Variants in KMT5A observed in about 807,000 individuals in gnomAD.
The protein encoded by KMT5A is lysine methyltransferase 5A.
Under a neutral mutation model 40.6 loss-of-function variants are expected in KMT5A, and 6 were observed. The observed-to-expected ratio is 0.15, with a 90% CI of 0.08 to 0.29. The LOEUF (loss-of-function observed/expected upper bound fraction) is 0.29, where lower values mean the gene tolerates loss of function less well. Ranked by LOEUF, KMT5A falls within the 10% of genes least tolerant of loss-of-function variation. The pLI is 1.00. For synonymous variants in KMT5A, 153 were observed against 178.8 expected (o/e 0.86, Z 1.15); for missense variants, 308 against 459.1 (o/e 0.67, Z 3.01).
intron 5 of KMT5A, 81 bp downstream of exon 5, chr12:123,396,513 G>A: frequency 7.6e-7 from 1 of 1,308,668 alleles, no homozygotes; most frequent in Non-Finnish European, 1.1e-6. Flanking sequence ...GTATGTGTGT[G>A]TCCTCAGCCT....
At chr12:123,407,440 G>A in intron 7 of KMT5A, 53 bp from the exon 8 acceptor site, 2 of 1,561,786 alleles carry the variant, frequency 1.3e-6, no homozygotes, top group South Asian at 1.1e-5. Context: ...CTCTCTTCAG[G>A]TTGAAAAGCC....
chr12:123,400,325 G>A (rs968654898), intron 5 of KMT5A, among the ~76,000 whole-genome samples: 12 of 151,176 alleles, frequency 7.9e-5, no homozygotes, highest in Non-Finnish European at 7.4e-5. Context: ...GTGAGCCACC[G>A]TGCCCAGCCA....
chr12:123,395,344 C>A, intron 4 of KMT5A, 78 bp downstream of exon 4: 2 of 1,448,274 alleles, frequency 1.4e-6, no homozygotes, highest in South Asian at 1.2e-5. Flanking sequence ...GCTCAGGTGC[C>A]CATGGGGGTT....
Position 123,395,272 on chromosome 12 carries a change from T to C in KMT5A, c.509+6T>C, listed in dbSNP as rs1262216777. 1.9e-6 allele frequency: 3 copies of C among 1,611,760 alleles called. No homozygotes were observed. The Admixed American group carries it at 5.0e-5, about 27-fold the overall frequency. Reference sequence around the variant, plus strand: ...AAACAGGCCCCCCGAAAAAAGTAAGTGCCCCATTCAGTCCTCTTCCTAACG... The same window carrying C: ...AAACAGGCCCCCCGAAAAAAGTAAGCGCCCCATTCAGTCCTCTTCCTAACG... On this transcript the variant is annotated splice_donor_region_variant and intron_variant, in intron 4 of 7. Transcript: ENST00000402868.
At chr12:123,405,409 G>T (rs1196905267) in intron 7 of KMT5A, among the ~76,000 whole-genome samples, 1 of 151,388 alleles carries the variant, frequency 6.6e-6, no homozygotes, top group African/African-American at 2.4e-5. Flanking sequence ...GACCTCAGAC[G>T]ATCCACCCGC....
intron 3 of KMT5A, among the ~76,000 whole-genome samples, chr12:123,393,200 TTTTG>T (rs1877439624): frequency 6.6e-6 from 1 of 152,128 alleles, no homozygotes; most frequent in African/African-American, 2.4e-5. Flanking sequence ...TATTTTTCTG[TTTTG>T]TTTATCTAGA....
At chr12:123,400,740 T>A (rs903958022) in intron 5 of KMT5A, among the ~76,000 whole-genome samples, 1 of 152,172 alleles carries the variant, frequency 6.6e-6, no homozygotes, top group African/African-American at 2.4e-5. Flanking sequence ...CTCACTTAAG[T>A]TACTCTGGTG....
chr12:123,401,008 T>C (rs1878113173), intron 5 of KMT5A, among the ~76,000 whole-genome samples: 1 of 151,844 alleles, frequency 6.6e-6, no homozygotes, highest in South Asian at 2.1e-4. Flanking sequence ...TTGGCCAGGC[T>C]GGTCTCGAAC....
intron 1 of KMT5A, among the ~76,000 whole-genome samples, chr12:123,385,929 T>C (rs1258109178): frequency 6.6e-6 from 1 of 152,156 alleles, no homozygotes; most frequent in Non-Finnish European, 1.5e-5. Context: ...TCAATTGATC[T>C]TTACAAATTG....
At chr12:123,404,328 T>G (rs1878381869) in intron 6 of KMT5A, among the ~76,000 whole-genome samples, 1 of 152,138 alleles carries the variant, frequency 6.6e-6, no homozygotes, top group South Asian at 2.1e-4. Flanking sequence ...CTAGGGGGAT[T>G]CCGGCTTAAG....
intron 3 of KMT5A, chr12:123,391,001 C>A: frequency 1.8e-6 from 1 of 550,988 alleles, no homozygotes; most frequent in Non-Finnish European, 3.2e-6. Flanking sequence ...CAAGAGTTAG[C>A]ATATCCTTCA....
intron 1 of KMT5A, among the ~76,000 whole-genome samples, chr12:123,386,212 T>A (rs1307645866): frequency 1.3e-3 from 1 of 782 alleles, no homozygotes; most frequent in African/African-American, 0.017. Flanking sequence ...AGATTTAGAT[T>A]TTTTTTTTTT....
intron 7 of KMT5A, 114 bp downstream of exon 7, chr12:123,405,188 T>A: frequency 8.7e-7 from 1 of 1,148,042 alleles, no homozygotes; most frequent in African/African-American, 1.6e-5. Flanking sequence ...TTTGTTGTTG[T>A]TGACTTTTTT....
At chr12:123,395,940 G>A (rs1326843109) in intron 4 of KMT5A, among the ~76,000 whole-genome samples, 1 of 152,088 alleles carries the variant, frequency 6.6e-6, no homozygotes, top group Non-Finnish European at 1.5e-5. Flanking sequence ...CAACCTCTCA[G>A]GACCAAGTGA....
In KMT5A at chr12:123,384,218, C is replaced by T; in HGVS notation, c.10+10C>T. ...GGAGCCATGGCTAGAGGTATTTGCC[C>T]AAGTGGCCGGCACCGGAGCGGCTGG... On this transcript the variant is annotated intron_variant, in intron 1 of 7. Transcript: ENST00000402868. The surrounding 1 kb of genome is among the most constrained non-coding windows in gnomAD (Gnocchi z 5.7). The T allele has an allele frequency of 6.2e-7, 1 of 1,613,400 alleles. No individual in the cohort carries two copies. Among genetic ancestry groups the T allele is most frequent in the South Asian group, 1.1e-5 (1 of 91,048 alleles).
At chr12:123,386,360 C>T (rs1876874263) in intron 1 of KMT5A, among the ~76,000 whole-genome samples, 1 of 151,972 alleles carries the variant, frequency 6.6e-6, no homozygotes. Flanking sequence ...GGATTACAGG[C>T]ACCTGTCACC....
Position 123,408,667 on chromosome 12 carries a change from C to G in KMT5A, c.*964C>G, listed in dbSNP as rs1878771512. 1.4e-5 allele frequency: 2 copies of G among 142,808 alleles called. No individual in the cohort carries two copies. The highest frequency in any genetic ancestry group is 5.1e-5 in the African/African-American group (2 of 38,914). The allele number at this position is 142,808 out of a possible 1,614,324, so 8.8% of individuals were successfully genotyped here. On this transcript the variant is annotated 3_prime_UTR_variant, in exon 8 of 8. Transcript: ENST00000402868. The stretch of plus-strand genomic sequence containing the variant: ...AGTTTTGTAGTGGGACCAGAAATTA[C>G]TTACCTGACATCCACCCCCATTCCC...
At chr12:123,404,157 T>C (rs1459649595) in intron 6 of KMT5A, among the ~76,000 whole-genome samples, 4 of 152,218 alleles carry the variant, frequency 2.6e-5, no homozygotes, top group Non-Finnish European at 5.9e-5. Context: ...ATTTTTAAAC[T>C]GTTTTCCTAG....
At position 123,390,792 on chromosome 12, in the gene KMT5A, C is replaced by G. The variant is rs374479813; in HGVS notation, c.289+6C>G. 8 of 1,613,546 alleles carry G rather than the reference C, an allele frequency of 5.0e-6. No individual in the cohort carries two copies. In the Admixed American group the frequency reaches 1.2e-4, roughly 24 times the overall value. Reference sequence around the variant, plus strand: ...AATCTACAGGAAACGAGAAGGTAAGCTTTTGAAATGGCCTCGTTCTGATCC... The same window carrying G: ...AATCTACAGGAAACGAGAAGGTAAGGTTTTGAAATGGCCTCGTTCTGATCC... On this transcript the variant is annotated splice_donor_region_variant and intron_variant, in intron 3 of 7. Transcript: ENST00000402868.
Sources: allele counts gnomAD v4.1 joint callset (sites outside exome capture counted in the v4.1 genomes callset), GRCh38; gene constraint gnomAD v4.1.1; non-coding constraint Gnocchi (gnomAD v3.1); transcripts MANE v1.5; gene names NCBI Gene and HGNC (gene_info 2026-07-23, HGNC 2026-07-21).